SH3D21: variants seen among roughly 807,000 people sequenced by gnomAD.
SH3D21 encodes the protein SH3 domain-containing protein 21.
In SH3D21, 83 loss-of-function variants were observed where a neutral mutation model predicts 82.1. The observed-to-expected ratio is 1.01, with a 90% CI of 0.85 to 1.21. SH3D21 has a LOEUF of 1.21. Among genes scored for constraint, SH3D21 ranks in the 50% most tolerant of loss-of-function variants. The probability of loss-of-function intolerance (pLI) is 0.00; values close to 1 mark genes in which losing one functional copy is unlikely to be tolerated. For missense variants in SH3D21, 980 were observed against 962.1 expected, an observed-to-expected ratio of 1.02 and a Z score of -0.25; for synonymous variants, 383 against 387.8, an observed-to-expected ratio of 0.99 and a Z score of 0.15.
At chr1:36,323,327 C>T (rs1236209318), downstream of SH3D21, 3 of 385,186 alleles carry the variant, frequency 7.8e-6, no homozygotes, top group Non-Finnish European at 1.4e-5. Context: ...CCGGTTCCGC[C>T]GTCCCGGGGC....
At chr1:36,323,760 TC>T (rs1646510633), downstream of SH3D21, 1 of 149,144 alleles carries the variant, frequency 6.7e-6, no homozygotes, top group Admixed American at 6.6e-5. Context: ...GGGCCGTCCG[TC>T]CCCCACAGGA....
chr1:36,322,752 G>A (rs768703283), downstream of SH3D21: 25 of 1,542,002 alleles, frequency 1.6e-5, no homozygotes, highest in Non-Finnish European at 2.0e-5. Flanking sequence ...GGGGGTCACG[G>A]AGAGGCCCGG....
chr1:36,314,103 G>A (rs954948359), intron 10 of SH3D21, among the ~76,000 whole-genome samples: 18 of 148,606 alleles, frequency 1.2e-4, no homozygotes, highest in African/African-American at 4.2e-4. Context: ...GCCTCTCCGA[G>A]TAGCTGGGAC....
In SH3D21 at chr1:36,320,725, G is replaced by A. The variant is rs770017356; in HGVS notation, c.2062G>A (p.Val688Ile). The A allele has an allele frequency of 6.5e-5, 105 of 1,613,230 alleles. No homozygotes were observed. The highest frequency in any genetic ancestry group is 8.8e-5 in the Non-Finnish European group (104 of 1,179,646). The stretch of plus-strand genomic sequence containing the variant: ...CTACACGGAAAACAAGAATGAAGGA[G>A]TTGATGTAACGTCGCTGAGGGGCGA... ...QNYTENKNEGVDVTSLRGEVE... is the reference protein window; with the variant it reads ...QNYTENKNEGIDVTSLRGEVE... Residue 688 changes from valine (V) to isoleucine (I), a missense_variant, in exon 14 of 16, where the codon GTT (valine) becomes ATT (isoleucine). Coordinates refer to ENST00000453908, the MANE Select transcript of SH3D21 (RefSeq NM_001162530.2).
chr1:36,311,089 A>G (rs1646230307), intron 10 of SH3D21, among the ~76,000 whole-genome samples: 1 of 151,272 alleles, frequency 6.6e-6, no homozygotes, highest in Non-Finnish European at 1.5e-5. Context: ...TTTGTATTTT[A>G]GTAGAAACGG....
At chr1:36,308,587 C>G in intron 9 of SH3D21, 112 bp downstream of exon 9, 1 of 793,662 alleles carries the variant, frequency 1.3e-6, no homozygotes, top group Non-Finnish European at 2.1e-6. Flanking sequence ...GAGGGTGGAC[C>G]TAGACATGTG....
chr1:36,329,311 T>A (rs989565875), downstream of SH3D21: 10 of 152,256 alleles, frequency 6.6e-5, no homozygotes, highest in African/African-American at 2.2e-4. Flanking sequence ...TCTGAAACGA[T>A]GAATTTGGTA....
downstream of SH3D21, chr1:36,328,267 C>T: frequency 2.5e-6 from 1 of 399,936 alleles, no homozygotes; most frequent in South Asian, 1.8e-5. Flanking sequence ...CAAACCCAAG[C>T]ACAGCTCTGC....
At chr1:36,323,398 GC>G (rs1646502346), downstream of SH3D21, 2 of 196,260 alleles carry the variant, frequency 1.0e-5, no homozygotes, top group East Asian at 1.3e-4. Context: ...AAGGGAAGCT[GC>G]CTCTCTCCTC....
rs199774281 is a variant in SH3D21 at position 36,319,922 on chromosome 1, T to A, written c.1259T>A (p.Val420Glu). Residue 420 changes from valine (V) to glutamate (E), a missense_variant, in exon 14 of 16, where the codon GTG becomes GAG. Transcript: ENST00000453908. ...PDKVPTPEKM[V>E]TPEDKASIPE... ...AAAGTCCCCACCCCAGAGAAGATGG[T>A]GACTCCGGAGGACAAGGCTTCTATC... 3.1e-6 allele frequency: 5 copies of A among 1,613,986 alleles called. No homozygotes were observed. The highest frequency in any genetic ancestry group is 3.4e-6 in the Non-Finnish European group (4 of 1,179,988).
At chr1:36,325,265 C>T (rs1023003898), downstream of SH3D21, among the ~76,000 whole-genome samples, 13 of 152,208 alleles carry the variant, frequency 8.5e-5, no homozygotes, top group African/African-American at 2.9e-4. Context: ...CTCCTGGGCT[C>T]AAGTGATCCA....
downstream of SH3D21, chr1:36,322,694 C>T: frequency 6.5e-7 from 1 of 1,547,410 alleles, no homozygotes; most frequent in South Asian, 1.2e-5. Flanking sequence ...AGACGCCCAG[C>T]ACGAAGTAGA....
chr1:36,323,001 T>C (rs771585675), downstream of SH3D21: 4 of 1,604,980 alleles, frequency 2.5e-6, no homozygotes, highest in African/African-American at 5.4e-5. Context: ...GCCAGGCTGT[T>C]GCTGAGCAAC....
In SH3D21 at chr1:36,321,046, TC is replaced by T. The variant is rs1391408574; in HGVS notation, c.2200-7del. ...CCCCCTGACAAAGTCTCCACCTCAC[TC>T]CCGACCAGGTCCAGGTGATGCAGGG... On this transcript the variant is annotated splice_polypyrimidine_tract_variant and intron_variant, in intron 15 of 15. Transcript: ENST00000453908. The surrounding 1 kb of genome is among the most constrained non-coding windows in gnomAD (Gnocchi z 6.1). The T allele has an allele frequency of 6.2e-7, 1 of 1,609,428 alleles. No homozygotes were observed.
chr1:36,322,959 G>A, downstream of SH3D21: 1 of 1,606,500 alleles, frequency 6.2e-7, no homozygotes, highest in Non-Finnish European at 8.5e-7. Flanking sequence ...GTCTTCCGGC[G>A]CCCGCCCTCA....
downstream of SH3D21, chr1:36,322,184 C>T (rs1646474341): frequency 2.9e-6 from 4 of 1,371,196 alleles, no homozygotes; most frequent in Non-Finnish European, 2.8e-6. Flanking sequence ...GGTCCACGCC[C>T]AGTAGCACCT....
rs546180886 is a variant in SH3D21 at position 36,310,918 on chromosome 1, T to G, written c.769+1328T>G. ...TTTTTTTTGGTTTGTTTGTTTTTTT[T>G]TTTTTATGGAGACAGAGTCTCTCTC... On this transcript the variant is annotated intron_variant, in intron 10 of 15. Coordinates refer to ENST00000453908, the MANE Select transcript of SH3D21 (RefSeq NM_001162530.2). 1.6e-3 allele frequency among the ~76,000 whole-genome samples: 237 copies of G among 152,316 alleles called. 1 individual carries two copies. Among genetic ancestry groups the G allele is most frequent in the Admixed American group, 2.2e-3 (34 of 15,296 alleles).
chr1:36,325,092 G>A (rs552244836), downstream of SH3D21, among the ~76,000 whole-genome samples: 12 of 152,238 alleles, frequency 7.9e-5, no homozygotes, highest in South Asian at 2.5e-3. Context: ...CTGGAGTACA[G>A]AGGTGCTATC....
chr1:36,322,679 G>T, downstream of SH3D21: 1 of 1,547,434 alleles, frequency 6.5e-7, no homozygotes, highest in Non-Finnish European at 8.7e-7. Flanking sequence ...GCAGCAGGCC[G>T]AAGCAGACGC....
Sources: allele counts gnomAD v4.1 joint callset (sites outside exome capture counted in the v4.1 genomes callset), GRCh38; gene constraint gnomAD v4.1.1; non-coding constraint Gnocchi (gnomAD v3.1); transcripts MANE v1.5; gene names NCBI Gene and HGNC (gene_info 2026-07-23, HGNC 2026-07-21).